Variants in HMCN1 observed in about 807,000 individuals in gnomAD.
HMCN1 encodes hemicentin 1, also known as hemicentin-1.
HMCN1 carries 321 observed loss-of-function variants against 625.9 expected under a neutral mutation model. That is an observed-to-expected ratio of 0.51 (90% CI 0.47 to 0.56). HMCN1 has a LOEUF of 0.56. Among genes scored for constraint, HMCN1 ranks in the 20% least tolerant of loss-of-function variants. The pLI is 0.00. For synonymous variants in HMCN1, 2,425 were observed against 2,417.6 expected (o/e 1.00, Z -0.09); for missense variants, 6,588 against 6,887.3 (o/e 0.96, Z 1.54).
chr1:185,918,210 G>A (rs923946056), intron 6 of HMCN1, among the ~76,000 whole-genome samples: 2 of 152,134 alleles, frequency 1.3e-5, no homozygotes, highest in African/African-American at 2.4e-5. Flanking sequence ...CAGAGAAGCC[G>A]ACAGTGAAGC....
At chr1:186,186,407 G>C (rs1653306529) in intron 105 of HMCN1, among the ~76,000 whole-genome samples, 1 of 152,100 alleles carries the variant, frequency 6.6e-6, no homozygotes, top group South Asian at 2.1e-4. Flanking sequence ...CATGCCTGTA[G>C]TCTCAGCTAC....
intron 11 of HMCN1, among the ~76,000 whole-genome samples, chr1:185,953,063 A>G (rs928799543): frequency 2.0e-5 from 3 of 151,228 alleles, no homozygotes; most frequent in African/African-American, 7.3e-5. Flanking sequence ...CTAAGGGTGA[A>G]GGAGAAGGGG....
intron 105 of HMCN1, among the ~76,000 whole-genome samples, chr1:186,182,906 T>C (rs1653026874): frequency 6.6e-6 from 1 of 152,152 alleles, no homozygotes; most frequent in Non-Finnish European, 1.5e-5. Flanking sequence ...TTGGGCAAGA[T>C]ATAGCAATGA....
At chr1:185,771,360 G>A (rs1656230203) in intron 1 of HMCN1, among the ~76,000 whole-genome samples, 1 of 152,184 alleles carries the variant, frequency 6.6e-6, no homozygotes, top group Non-Finnish European at 1.5e-5. Context: ...AGCATGAAAT[G>A]TAACCTGTTC....
rs1657137867 is a variant in HMCN1, at chr1:186,053,933, T to C, written c.6809T>C (p.Val2270Ala). The C allele has an allele frequency of 1.9e-6, 3 of 1,612,676 alleles. No individual in the cohort carries two copies. Among genetic ancestry groups the C allele is most frequent in the Non-Finnish European group, 2.5e-6 (3 of 1,179,234 alleles). Residue 2270 changes from valine (V) to alanine (A), a missense_variant, in exon 44 of 107, where the codon GTG becomes GCG. Around this residue, in one of 3 missense-constraint regions of HMCN1, gnomAD observed 4,628 missense variants for 4,853.1 expected, o/e 0.95. Coordinates refer to ENST00000271588, the MANE Select transcript of HMCN1 (RefSeq NM_031935.3). ...TCTGATGCAGCACTCTATTCATGTG[T>C]GGCGTCGAATGTTGCTGGGACTGCA... ...EKSDAALYSC[V>A]ASNVAGTAKK...
At chr1:185,768,055 A>G (rs965121389) in intron 1 of HMCN1, among the ~76,000 whole-genome samples, 1 of 152,180 alleles carries the variant, frequency 6.6e-6, no homozygotes, top group East Asian at 1.9e-4. Context: ...ATAAAGGATA[A>G]TTCCTTTGAA....
At chr1:186,004,980 A>AG (rs1653455769) in intron 29 of HMCN1, among the ~76,000 whole-genome samples, 1 of 152,094 alleles carries the variant, frequency 6.6e-6, no homozygotes, top group Non-Finnish European at 1.5e-5. Flanking sequence ...CCTGTTATAG[A>AG]GTGAAAGAAA....
At chr1:185,856,487 CAAAA>C (rs58320542) in intron 2 of HMCN1, among the ~76,000 whole-genome samples, 6 of 102,780 alleles carry the variant, frequency 5.8e-5, no homozygotes, top group Middle Eastern at 5.0e-3. Flanking sequence ...GACCCTGTCT[CAAAA>C]AAAAAAAAAA....
chr1:185,858,301 A>T (rs2102342832), intron 2 of HMCN1, among the ~76,000 whole-genome samples: 1 of 152,268 alleles, frequency 6.6e-6, no homozygotes, highest in African/African-American at 2.4e-5. Context: ...CCTTCTATAG[A>T]TTTAAGTTCT....
At chr1:186,010,831 T>C (rs1653953000) in intron 30 of HMCN1, among the ~76,000 whole-genome samples, 1 of 152,156 alleles carries the variant, frequency 6.6e-6, no homozygotes, top group Non-Finnish European at 1.5e-5. Context: ...ATAAAGGAGA[T>C]AATATAGATA....
chr1:185,956,788 C>T lies in HMCN1; in HGVS notation c.1829-5730C>T, dbSNP rs1649663349. ...CTTGATCTTTCTGGTGAATTAGCCC[C>T]ATCCTGAAGCCCTCTGGGGACCCCC... On this transcript the variant is annotated intron_variant, in intron 11 of 106. Transcript: ENST00000271588. Among the ~76,000 whole-genome samples, 4 of 152,294 alleles carry T rather than the reference C, an allele frequency of 2.6e-5. No homozygotes were observed. The South Asian group carries it at 6.2e-4, about 24-fold the overall frequency.
chr1:186,113,995 G>A lies in HMCN1; in HGVS notation c.11148G>A (p.Lys3716=). The A allele has an allele frequency of 3.1e-6, 5 of 1,613,942 alleles. No homozygotes were observed. Among genetic ancestry groups the A allele is most frequent in the Non-Finnish European group, 3.4e-6 (4 of 1,179,922 alleles). ...ILTVNVPPNI[K]GGPQSLVILL... ...CTTGTTCAGTTCCTCCAAACATAAA[G>A]GGGGGCCCCCAGAGCCTTGTAATTC... The change falls in exon 73 of 107, where the codon AAG becomes AAA. Residue 3716 remains lysine (K), a synonymous_variant. Transcript: ENST00000271588.
At position 186,041,040 on chromosome 1, in the gene HMCN1, T is replaced by A. The variant is rs756385879; in HGVS notation, c.6208T>A (p.Leu2070Met). 29 of 1,612,980 alleles carry A rather than the reference T, an allele frequency of 1.8e-5. No individual in the cohort carries two copies. In the African/African-American group the frequency reaches 3.9e-4, roughly 22 times the overall value. The change falls in exon 40 of 107, where the codon TTG becomes ATG. Residue 2070 changes from leucine (L) to methionine (M), a missense_variant. Physicochemically the swap from Leu to Met is conservative, Grantham distance 15. Around this residue, in one of 3 missense-constraint regions of HMCN1, gnomAD observed 4,628 missense variants for 4,853.1 expected, o/e 0.95. Transcript: ENST00000271588. ...QVLSGGRILA[L>M]TSAQISDTGR... is the part of the protein sequence containing the mutation. The stretch of plus-strand genomic sequence containing the variant: ...TCTCTCTGGTGGTCGAATCCTAGCA[T>A]TGACCAGTGCACAAATCAGCGACAC...
chr1:186,154,084 T>C (rs1254813229), intron 97 of HMCN1, 97 bp downstream of exon 97: 3 of 978,374 alleles, frequency 3.1e-6, no homozygotes, highest in Admixed American at 3.8e-5. Flanking sequence ...TCTAACATGA[T>C]ATCAGGTTTT....
At chr1:185,829,935 C>A (rs2102286596) in intron 1 of HMCN1, among the ~76,000 whole-genome samples, 1 of 152,234 alleles carries the variant, frequency 6.6e-6, no homozygotes, top group South Asian at 2.1e-4. Context: ...TAATAATCAC[C>A]ATTCTGACTG....
chr1:186,118,781 A>G (rs565567233), intron 77 of HMCN1, among the ~76,000 whole-genome samples: 1 of 152,348 alleles, frequency 6.6e-6, no homozygotes, highest in Non-Finnish European at 1.5e-5. Context: ...GATTCAGTTT[A>G]TATGAAGTGT....
At chr1:185,822,317 A>G (rs1170179230) in intron 1 of HMCN1, among the ~76,000 whole-genome samples, 2 of 152,044 alleles carry the variant, frequency 1.3e-5, no homozygotes, top group East Asian at 3.9e-4. Flanking sequence ...CAGGAGGTAC[A>G]TGGGAATCTC....
chr1:185,831,311 G>A (rs572891326), intron 1 of HMCN1, among the ~76,000 whole-genome samples: 97 of 152,006 alleles, frequency 6.4e-4, no homozygotes, highest in Middle Eastern at 3.4e-3. Flanking sequence ...TATATAAAAG[G>A]CATTTAACAA....
intron 6 of HMCN1, among the ~76,000 whole-genome samples, chr1:185,921,251 G>A (rs1262278913): frequency 1.3e-5 from 2 of 152,102 alleles, no homozygotes; most frequent in African/African-American, 2.4e-5. Flanking sequence ...ATGATGATGG[G>A]TTTTTTTCTT....
Sources: allele counts gnomAD v4.1 joint callset (sites outside exome capture counted in the v4.1 genomes callset), GRCh38; gene constraint gnomAD v4.1.1; regional missense constraint gnomAD v4.1.1; transcripts MANE v1.5; gene names NCBI Gene and HGNC (gene_info 2026-07-23, HGNC 2026-07-21).